Variants in EXPH5 observed in about 807,000 individuals in gnomAD.
EXPH5 encodes the protein exophilin-5.
EXPH5 carries 42 observed loss-of-function variants against 41.1 expected under a neutral mutation model. The observed-to-expected ratio is 1.02, with a 90% CI of 0.80 to 1.32. The LOEUF (loss-of-function observed/expected upper bound fraction) is 1.32. EXPH5 is among the 40% of genes most tolerant of loss of function. The probability of loss-of-function intolerance (pLI) is 0.00; values close to 1 mark genes in which losing one functional copy is unlikely to be tolerated. For synonymous variants in EXPH5, 798 were observed against 833.5 expected, an observed-to-expected ratio of 0.96 and a Z score of 0.73; for missense variants, 2,298 against 2,314.5, an observed-to-expected ratio of 0.99 and a Z score of 0.15.
intron 1 of EXPH5, among the ~76,000 whole-genome samples, chr11:108,568,954 A>G (rs899701818): frequency 6.6e-6 from 1 of 152,098 alleles, no homozygotes; most frequent in African/African-American, 2.4e-5. Context: ...TAAACATTTC[A>G]GTGGCTCCTC....
chr11:108,605,496 T>A, the EXPH5 span, among the ~76,000 whole-genome samples: 1 of 152,150 alleles, frequency 6.6e-6, no homozygotes, highest in East Asian at 1.9e-4. Flanking sequence ...GGAGGAGAAG[T>A]GGTACCAGCA....
chr11:108,556,514 C>A (rs2093990747), intron 1 of EXPH5, among the ~76,000 whole-genome samples: 2 of 152,116 alleles, frequency 1.3e-5, no homozygotes, highest in Admixed American at 1.3e-4. Context: ...GCTCTGTCAC[C>A]TAGACTGGAG....
chr11:108,578,615 C>T (rs141532872), intron 1 of EXPH5, among the ~76,000 whole-genome samples: 2 of 152,250 alleles, frequency 1.3e-5, no homozygotes, highest in East Asian at 3.9e-4. Context: ...CTATAGATCA[C>T]TTTGTGTAGT....
chr11:108,515,165 TG>T lies in EXPH5; in HGVS notation c.632-291del, dbSNP rs553284214. On this transcript the variant is annotated intron_variant, in intron 5 of 5. Transcript: ENST00000265843. ...TTCTTCTAACAATGAATTTTAATCA[TG>T]TTTTTTTTTAGTGCATCTAAAGTGT... Among the ~76,000 whole-genome samples, 659 of 152,152 alleles carry T rather than the reference TG, an allele frequency of 4.3e-3. 3 individuals carry two copies. Among genetic ancestry groups the T allele is most frequent in the African/African-American group, 0.015 (612 of 41,416 alleles).
At chr11:108,569,400 T>C (rs1295844486) in intron 1 of EXPH5, among the ~76,000 whole-genome samples, 1 of 149,922 alleles carries the variant, frequency 6.7e-6, no homozygotes, top group African/African-American at 2.5e-5. Context: ...AGTGCAATGG[T>C]GTGATCTCAG....
At chr11:108,528,833 G>C (rs1477319475) in intron 3 of EXPH5, among the ~76,000 whole-genome samples, 1 of 151,476 alleles carries the variant, frequency 6.6e-6, no homozygotes, top group African/African-American at 2.4e-5. Flanking sequence ...CTCCCGAATG[G>C]CTGGGATTAC....
chr11:108,534,437 C>G (rs1427648035), intron 3 of EXPH5, among the ~76,000 whole-genome samples: 3 of 152,180 alleles, frequency 2.0e-5, no homozygotes, highest in Non-Finnish European at 4.4e-5. Context: ...CCTCTGCCAA[C>G]CTCTCCTGCC....
At chr11:108,520,160 G>C (rs562183528) in intron 4 of EXPH5, among the ~76,000 whole-genome samples, 1 of 152,116 alleles carries the variant, frequency 6.6e-6, no homozygotes, top group Non-Finnish European at 1.5e-5. Context: ...GATCAGCCCT[G>C]GGATTAGGCG....
At position 108,511,735 on chromosome 11, in the gene EXPH5, T is replaced by C. The variant is rs1376522941; in HGVS notation, c.3772A>G (p.Arg1258Gly). ...TTACAGAATTTTTTGCTGGGTTTCC[T>C]CGGTAGAGTGTAATATATTGAGACC... ...EVVSIYYTLP[R>G]KPSKKFCNLL... The change falls in exon 6 of 6, where the codon AGG becomes GGG. Residue 1258 changes from arginine (R) to glycine (G), a missense_variant. By Grantham distance (125) the Arg-to-Gly change is moderately radical. Transcript: ENST00000265843. 6.2e-7 allele frequency: 1 copy of C among 1,610,394 alleles called. No individual in the cohort carries two copies.
chr11:108,601,325 T>C, the EXPH5 span, among the ~76,000 whole-genome samples: 1 of 152,236 alleles, frequency 6.6e-6, no homozygotes, highest in African/African-American at 2.4e-5. Flanking sequence ...GTAGACAAAC[T>C]TTCAAATTAA....
intron 1 of EXPH5, among the ~76,000 whole-genome samples, chr11:108,582,274 G>A (rs1011007046): frequency 1.3e-5 from 2 of 152,042 alleles, no homozygotes; most frequent in African/African-American, 4.8e-5. Flanking sequence ...ATCAGCCTGG[G>A]CAATATGGTG....
Position 108,510,244 on chromosome 11 carries a change from G to A in EXPH5, c.5263C>T (p.Pro1755Ser). The change falls in exon 6 of 6, where the codon CCT becomes TCT. Residue 1755 changes from proline to serine, a missense_variant. By Grantham distance (74) the Pro-to-Ser change is moderately conservative. Transcript: ENST00000265843. ...TTCTGTGCAGGCTCCAGTGGAAAAG[G>A]AGGGCTCAGCCTCCTCTGATTGTCA... is the stretch of plus-strand genomic sequence containing the variant. ...FSDNQRRLSP[P>S]FPLEPAQKSR... 6.2e-7 allele frequency: 1 copy of A among 1,613,730 alleles called. No individual in the cohort carries two copies. Among genetic ancestry groups the A allele is most frequent in the Non-Finnish European group, 8.5e-7 (1 of 1,179,910 alleles).
At chr11:108,580,558 T>TG (rs1385592812) in intron 1 of EXPH5, among the ~76,000 whole-genome samples, 7 of 152,202 alleles carry the variant, frequency 4.6e-5, no homozygotes, top group African/African-American at 1.7e-4. Flanking sequence ...CACTGCTGGG[T>TG]ATACCCAAAA....
chr11:108,518,420 G>C (rs746011717), intron 4 of EXPH5, 47 bp from the exon 5 acceptor site: 26 of 1,581,586 alleles, frequency 1.6e-5, no homozygotes, highest in Non-Finnish European at 2.1e-5. Flanking sequence ...GCCTTCACCA[G>C]TCAAAATACT....
Position 108,541,650 on chromosome 11 carries a change from AC to A in EXPH5, c.280+1del. 1 of 1,591,490 alleles carries A rather than the reference AC, an allele frequency of 6.3e-7. No homozygotes were observed. The highest frequency in any genetic ancestry group is 8.6e-7 in the Non-Finnish European group (1 of 1,168,596). ...ACTTTAAATCTAAAATCTTTTTCTTACCATTTTTTGCCATCTCCTTACTTAG... is the reference window on the plus strand; with the variant it reads ...ACTTTAAATCTAAAATCTTTTTCTTACATTTTTTGCCATCTCCTTACTTAG... On this transcript the variant is annotated splice_donor_variant, in intron 2 of 5. Coordinates refer to ENST00000265843, the MANE Select transcript of EXPH5 (RefSeq NM_015065.3). LOFTEE classifies it high-confidence loss of function.
chr11:108,605,375 T>C, the EXPH5 span, among the ~76,000 whole-genome samples: 2 of 152,168 alleles, frequency 1.3e-5, no homozygotes, highest in African/African-American at 4.8e-5. Context: ...ATGTGATTCT[T>C]ATAAAAATTA....
the EXPH5 span, among the ~76,000 whole-genome samples, chr11:108,604,568 G>A: frequency 6.6e-6 from 1 of 152,172 alleles, no homozygotes; most frequent in African/African-American, 2.4e-5. Flanking sequence ...TTCATAGTTA[G>A]GAGGTCTGAG....
intron 1 of EXPH5, among the ~76,000 whole-genome samples, chr11:108,550,576 C>G (rs957793536): frequency 6.6e-6 from 1 of 152,154 alleles, no homozygotes; most frequent in South Asian, 2.1e-4. Context: ...GCCAGGAGTT[C>G]GAGACCAGCC....
At chr11:108,578,390 A>G (rs1227106489) in intron 1 of EXPH5, among the ~76,000 whole-genome samples, 3 of 152,094 alleles carry the variant, frequency 2.0e-5, no homozygotes, top group African/African-American at 7.2e-5. Flanking sequence ...CCATTGGTCT[A>G]TGTGTCTGTT....
Sources: gnomAD v4.1 joint callset for allele counts (sites outside exome capture counted in the v4.1 genomes callset) on GRCh38, gnomAD v4.1.1 for gene constraint, MANE v1.5 for transcripts, NCBI Gene and HGNC (gene_info 2026-07-23, HGNC 2026-07-21) for gene names.